Variants in RBFA observed in about 807,000 individuals in gnomAD.
RBFA encodes ribosome binding factor A, also known as putative ribosome-binding factor A, mitochondrial.
RBFA carries 16 observed loss-of-function variants against 27.9 expected under a neutral mutation model. That is an observed-to-expected ratio of 0.57 (90% CI 0.39 to 0.87). RBFA has a LOEUF of 0.87. Among genes scored for constraint, RBFA ranks in the 40% least tolerant of loss-of-function variants. The pLI, the probability that RBFA is intolerant of heterozygous loss-of-function variation, is 0.00. For synonymous variants in RBFA, 181 were observed against 181.0 expected, an observed-to-expected ratio of 1.00 and a Z score of 0.00; for missense variants, 456 against 432.1, an observed-to-expected ratio of 1.06 and a Z score of -0.49.
rs1429016555 is a variant in RBFA at position 80,048,685 on chromosome 18, AGTT to A, written c.*2534_*2536del. 1.3e-5 allele frequency among the ~76,000 whole-genome samples: 2 copies of A among 152,230 alleles called. No homozygotes were observed. Among genetic ancestry groups the A allele is most frequent in the Admixed American group, 6.5e-5 (1 of 15,282 alleles). ...GTTGGCATCCATAGCAGTCTCGCAA[AGTT>A]GTTCTCATTTTCCAAATAAGGAATC... On this transcript the variant is annotated 3_prime_UTR_variant, in exon 7 of 7. Transcript: ENST00000306735.
intron 6 of RBFA, 115 bp downstream of exon 6, chr18:80,044,400 T>G (rs1260698684): frequency 1.1e-6 from 1 of 937,572 alleles, no homozygotes; most frequent in Non-Finnish European, 1.7e-6. Context: ...ATGATCCCCA[T>G]GGCACTTGCC....
chr18:80,048,308 G>T lies in RBFA; in HGVS notation c.*2153G>T. On this transcript the variant is annotated 3_prime_UTR_variant, in exon 7 of 7. Transcript: ENST00000306735. Reference sequence around the variant, plus strand: ...CATGCAGGAGTGCTTCGCAGGTCAGGCACTGCTCTGAGTGCTTTGTGTTAA... The same window carrying T: ...CATGCAGGAGTGCTTCGCAGGTCAGTCACTGCTCTGAGTGCTTTGTGTTAA... 1 of 152,862 alleles carries T rather than the reference G, an allele frequency of 6.5e-6. No individual in the cohort carries two copies. The highest frequency in any genetic ancestry group is 1.5e-5 in the Non-Finnish European group (1 of 68,502). The allele number at this position is 152,862 out of a possible 1,614,324, so 9.5% of individuals were successfully genotyped here.
chr18:80,047,038 C>G lies in RBFA; in HGVS notation c.*883C>G, dbSNP rs577968567. On this transcript the variant is annotated 3_prime_UTR_variant, in exon 7 of 7. Coordinates refer to ENST00000306735, the MANE Select transcript of RBFA (RefSeq NM_024805.3). ...CGGCTTCCCTCTTAATGTCCCAGCC[C>G]CTGTGAGCTGTCAGGTTCTAAATTC... The G allele has an allele frequency of 6.6e-6, 1 of 152,274 alleles. No individual in the cohort carries two copies. Among genetic ancestry groups the G allele is most frequent in the East Asian group, 1.9e-4 (1 of 5,192 alleles). The allele number at this position is 152,274 out of a possible 1,614,324, so 9.4% of individuals were successfully genotyped here. A position where few individuals can be genotyped will look rare whatever the true frequency, so the allele number is the denominator to read the frequency against.
chr18:80,042,804 C>G (rs1189231602), intron 5 of RBFA, among the ~76,000 whole-genome samples: 1 of 151,756 alleles, frequency 6.6e-6, no homozygotes, highest in African/African-American at 2.4e-5. Flanking sequence ...GAGAAGGGAA[C>G]AAATGAAAAG....
At chr18:80,045,675 T>G in intron 6 of RBFA, 99 bp from the exon 7 acceptor site, 2 of 1,330,102 alleles carry the variant, frequency 1.5e-6, no homozygotes, top group Non-Finnish European at 2.0e-6. Flanking sequence ...CTCAGGCGAG[T>G]AGATGTAGGA....
rs1468733405 is a variant in RBFA, at chr18:80,046,004, G to A, written c.881G>A (p.Ser294Asn). 1 of 1,614,040 alleles carries A rather than the reference G, an allele frequency of 6.2e-7. No individual in the cohort carries two copies. The highest frequency in any genetic ancestry group is 1.3e-5 in the African/African-American group (1 of 74,924). Residue 294 changes from serine to asparagine, a missense_variant, in exon 7 of 7, where the codon AGT (serine) becomes AAT (asparagine). Ser to Asn is a conservative substitution (Grantham distance 46, BLOSUM62 1). Transcript: ENST00000306735. ...CTGGAGCAGGACAGCTCCCTCAAGAGTTACCTGTCAGGCGAGGAGGTTGAA... is the reference window on the plus strand; with the variant it reads ...CTGGAGCAGGACAGCTCCCTCAAGAATTACCTGTCAGGCGAGGAGGTTGAA... The part of the protein sequence containing the change: ...PRLEQDSSLK[S>N]YLSGEEVEDD...
chr18:80,049,937 C>G lies in RBFA; in HGVS notation c.*3782C>G, dbSNP rs1036201330. ...CTGAGTATGAGGCCAGCATTAGAAC[C>G]TCTGCTCTACGGGTGACTGCCCTGG... On this transcript the variant is annotated 3_prime_UTR_variant, in exon 7 of 7. Coordinates refer to ENST00000306735, the MANE Select transcript of RBFA (RefSeq NM_024805.3). 1.3e-5 allele frequency among the ~76,000 whole-genome samples: 2 copies of G among 152,214 alleles called. No homozygotes were observed. The highest frequency in any genetic ancestry group is 2.4e-5 in the African/African-American group (1 of 41,460).
rs774848049 is a variant in RBFA, at chr18:80,037,314, C to T, written c.202-16C>T. On this transcript the variant is annotated splice_polypyrimidine_tract_variant and intron_variant, in intron 2 of 6. Coordinates refer to ENST00000306735, the MANE Select transcript of RBFA (RefSeq NM_024805.3). The stretch of plus-strand genomic sequence containing the variant: ...TGTAACGCTGCCCTTGGGGTGTGCT[C>T]TTCTTCCTGATGGAGACTTACAAAC... The T allele has an allele frequency of 6.2e-7, 1 of 1,611,692 alleles. No individual in the cohort carries two copies. The highest frequency in any genetic ancestry group is 8.5e-7 in the Non-Finnish European group (1 of 1,178,744).
chr18:80,038,900 A>G (rs1032108471), intron 4 of RBFA, among the ~76,000 whole-genome samples: 3 of 152,194 alleles, frequency 2.0e-5, no homozygotes, highest in African/African-American at 7.2e-5. Flanking sequence ...CTGTGTTGAC[A>G]TTTGCACTGA....
At chr18:80,045,178 T>G (rs1306217008) in intron 6 of RBFA, among the ~76,000 whole-genome samples, 1 of 151,860 alleles carries the variant, frequency 6.6e-6, no homozygotes, top group Non-Finnish European at 1.5e-5. Flanking sequence ...ATTCTGCCAG[T>G]TGAACTGGCC....
At position 80,046,455 on chromosome 18, in the gene RBFA, C is replaced by T. The variant is rs978587021; in HGVS notation, c.*300C>T. Reference sequence around the variant, plus strand: ...GCCACCTCCACCTGCAGAGCCCTGCCAGGTGCCAGTGAGTGCTTGGCCCGA... The same window carrying T: ...GCCACCTCCACCTGCAGAGCCCTGCTAGGTGCCAGTGAGTGCTTGGCCCGA... On this transcript the variant is annotated 3_prime_UTR_variant, in exon 7 of 7. Transcript: ENST00000306735. 4.2e-5 allele frequency: 15 copies of T among 357,534 alleles called. No homozygotes were observed. The highest frequency in any genetic ancestry group is 7.3e-5 in the Non-Finnish European group (14 of 191,058). 22.1% of individuals were successfully genotyped at this position (357,534 alleles called of 1,614,324 possible). A position where few individuals can be genotyped will look rare whatever the true frequency, so the allele number is the denominator to read the frequency against.
At chr18:80,043,157 G>A (rs894281615) in intron 5 of RBFA, among the ~76,000 whole-genome samples, 3 of 152,146 alleles carry the variant, frequency 2.0e-5, no homozygotes, top group African/African-American at 7.2e-5. Context: ...TTCTCTGGGT[G>A]GTGGTTACCT....
chr18:80,035,611 A>C (rs560001328), intron 1 of RBFA: 2 of 152,308 alleles, frequency 1.3e-5, no homozygotes, highest in South Asian at 4.1e-4. Context: ...GGTGCTTGCC[A>C]GGTTTCTCTA....
In RBFA at chr18:80,046,332, T is replaced by C. The variant is rs556127883; in HGVS notation, c.*177T>C. ...TGCTACACAAGTCACTGTTTTTTTT[T>C]CCATGCACTGTGTGTAATTTAAAAA... On this transcript the variant is annotated 3_prime_UTR_variant, in exon 7 of 7. Transcript: ENST00000306735. The C allele has an allele frequency of 2.6e-4, 178 of 683,668 alleles. No homozygotes were observed. The highest frequency in any genetic ancestry group is 1.2e-3 in the Middle Eastern group (3 of 2,418). 42.4% of individuals were successfully genotyped at this position (683,668 alleles called of 1,614,324 possible). A position where few individuals can be genotyped will look rare whatever the true frequency, so the allele number is the denominator to read the frequency against.
chr18:80,036,545 C>G (rs2051980063), intron 1 of RBFA, 123 bp from the exon 2 acceptor site: 1 of 552,402 alleles, frequency 1.8e-6, no homozygotes, highest in Non-Finnish European at 3.1e-6. Flanking sequence ...TTTAAGATGT[C>G]CAGTAATGTA....
rs2051960605 is a variant in RBFA, at chr18:80,034,541, C to CG, written c.49dup (p.Ala17GlyfsTer5). 1 of 1,600,296 alleles carries CG rather than the reference C, an allele frequency of 6.2e-7. No individual in the cohort carries two copies. Among genetic ancestry groups the CG allele is most frequent in the African/African-American group, 1.4e-5 (1 of 73,454 alleles). On this transcript the variant is annotated frameshift_variant, in exon 1 of 7. Transcript: ENST00000306735. LOFTEE classifies it high-confidence loss of function. ...GCTGTGGCGCTCCCGCGCGGGTCTC[C>CG]GGGCCCTGTTCCGTAGCCGCGATGC...
Position 80,046,073 on chromosome 18 carries a change from C to G in RBFA, c.950C>G (p.Ala317Gly). Residue 317 changes from alanine (A) to glycine (G), a missense_variant, in exon 7 of 7, where the codon GCC (alanine) becomes GGC (glycine). Ala to Gly is a moderately conservative substitution (Grantham distance 60). Coordinates refer to ENST00000306735, the MANE Select transcript of RBFA (RefSeq NM_024805.3). ...GGTGCCCCGGAGTACGAATGCTATGCCCCGGACACAGAGGAGTTGGAGGCA... is the reference window on the plus strand; with the variant it reads ...GGTGCCCCGGAGTACGAATGCTATGGCCCGGACACAGAGGAGTTGGAGGCA... ...LVGAPEYECY[A>G]PDTEELEAER... 6.2e-7 allele frequency: 1 copy of G among 1,614,098 alleles called. No individual in the cohort carries two copies. The highest frequency in any genetic ancestry group is 8.5e-7 in the Non-Finnish European group (1 of 1,180,028).
chr18:80,045,020 G>A (rs1041956884), intron 6 of RBFA, among the ~76,000 whole-genome samples: 10 of 152,242 alleles, frequency 6.6e-5, no homozygotes, highest in Non-Finnish European at 1.3e-4. Flanking sequence ...CGGCAGGGCA[G>A]GGAGCTGAGC....
chr18:80,045,941 C>T lies in RBFA; in HGVS notation c.818C>T (p.Thr273Met), dbSNP rs1034919509. The T allele has an allele frequency of 1.1e-5, 18 of 1,613,674 alleles. No individual in the cohort carries two copies. The highest frequency in any genetic ancestry group is 2.7e-5 in the African/African-American group (2 of 74,848). The change falls in exon 7 of 7, where the codon ACG (threonine) becomes ATG (methionine). Residue 273 changes from threonine to methionine, a missense_variant. By Grantham distance (81) the Thr-to-Met change is moderately conservative. Transcript: ENST00000306735. Reference sequence around the variant, plus strand: ...CAGGGGCAGGTGGCTGAGCTGACAACGCAGATGAAAAAGGGAAGGAAGAGG... The same window carrying T: ...CAGGGGCAGGTGGCTGAGCTGACAATGCAGATGAAAAAGGGAAGGAAGAGG... ...VWQGQVAELT[T>M]QMKKGRKRAK...
Sources: gnomAD v4.1 joint callset for allele counts (sites outside exome capture counted in the v4.1 genomes callset) on GRCh38, gnomAD v4.1.1 for gene constraint, MANE v1.5 for transcripts, NCBI Gene and HGNC (gene_info 2026-07-23, HGNC 2026-07-21) for gene names.